ZCWPW2: variants seen among roughly 807,000 people sequenced by gnomAD.
The protein encoded by ZCWPW2 is zinc finger CW-type PWWP domain protein 2.
In ZCWPW2, 45 loss-of-function variants were observed where a neutral mutation model predicts 46.6. That is an observed-to-expected ratio of 0.96 (90% CI 0.76 to 1.24). The LOEUF (loss-of-function observed/expected upper bound fraction) is 1.24. ZCWPW2 is among the 50% of genes most tolerant of loss of function. The pLI, the probability that ZCWPW2 is intolerant of heterozygous loss-of-function variation, is 0.00. For synonymous variants in ZCWPW2, 152 were observed against 137.1 expected (o/e 1.11, Z -0.76); for missense variants, 429 against 403.9 (o/e 1.06, Z -0.53).
intron 4 of ZCWPW2, among the ~76,000 whole-genome samples, chr3:28,454,436 T>C (rs1698348712): frequency 6.6e-6 from 1 of 152,220 alleles, no homozygotes; most frequent in Admixed American, 6.5e-5. Context: ...TGTTATTCCC[T>C]TTCATGAGTA....
chr3:28,474,970 A>G (rs535452546), intron 4 of ZCWPW2, among the ~76,000 whole-genome samples: 100 of 152,122 alleles, frequency 6.6e-4, no homozygotes, highest in Admixed American at 3.4e-3. Flanking sequence ...CTGGGACTAC[A>G]GGCACATGCT....
At chr3:28,449,589 G>A (rs1267053301) in intron 4 of ZCWPW2, among the ~76,000 whole-genome samples, 2 of 152,146 alleles carry the variant, frequency 1.3e-5, no homozygotes, top group East Asian at 1.9e-4. Context: ...AACAGTTATG[G>A]AGATAGAGGG....
intron 4 of ZCWPW2, among the ~76,000 whole-genome samples, chr3:28,469,419 T>TA (rs1698952466): frequency 6.6e-6 from 1 of 151,936 alleles, no homozygotes; most frequent in African/African-American, 2.4e-5. Context: ...TCAAAAGACA[T>TA]AGAGTGGCTG....
intron 1 of ZCWPW2, among the ~76,000 whole-genome samples, chr3:28,368,087 G>A (rs1046041294): frequency 6.6e-6 from 1 of 152,090 alleles, no homozygotes; most frequent in African/African-American, 2.4e-5. Flanking sequence ...GATGGGTCTT[G>A]CGTCTTTATC....
intron 5 of ZCWPW2, among the ~76,000 whole-genome samples, chr3:28,479,384 A>C (rs889737641): frequency 1.3e-5 from 2 of 151,678 alleles, no homozygotes; most frequent in Non-Finnish European, 2.9e-5. Context: ...CTTCAACTTT[A>C]AAAAAAAACT....
In ZCWPW2 at chr3:28,362,585, G is replaced by A. The variant is rs191450082; in HGVS notation, c.-134+13382G>A. On this transcript the variant is annotated intron_variant, in intron 1 of 9. Transcript: ENST00000383768. ...AGGTAAAAAAATGACAGATGCTGGC[G>A]AGGTTGTGGAGAAAAGAGAACACTT... Among the ~76,000 whole-genome samples the A allele has an allele frequency of 2.0e-3, 297 of 152,264 alleles. 1 individual carries two copies. The highest frequency in any genetic ancestry group is 6.6e-3 in the African/African-American group (276 of 41,560).
chr3:28,393,743 T>A (rs1695585428), intron 2 of ZCWPW2, among the ~76,000 whole-genome samples: 1 of 152,144 alleles, frequency 6.6e-6, no homozygotes. Flanking sequence ...AACATCAGTT[T>A]ATGATAAAAA....
intron 4 of ZCWPW2, among the ~76,000 whole-genome samples, chr3:28,440,118 A>T (rs1312757832): frequency 1.3e-5 from 2 of 152,294 alleles, no homozygotes; most frequent in South Asian, 2.1e-4. Flanking sequence ...ACAAACTCTC[A>T]TAGATCTCCT....
chr3:28,448,892 T>C (rs1393801883), intron 4 of ZCWPW2, among the ~76,000 whole-genome samples: 1 of 146,652 alleles, frequency 6.8e-6, no homozygotes, highest in Non-Finnish European at 1.5e-5. Context: ...AAAATCCTAA[T>C]GGTATTTTTG....
At chr3:28,394,429 C>G (rs1051715953) in intron 2 of ZCWPW2, among the ~76,000 whole-genome samples, 21 of 152,048 alleles carry the variant, frequency 1.4e-4, no homozygotes, top group Non-Finnish European at 1.8e-4. Context: ...TCCTAAAACT[C>G]CTTTGGAACC....
At chr3:28,429,469 T>G (rs1205157706) in intron 3 of ZCWPW2, among the ~76,000 whole-genome samples, 1 of 152,164 alleles carries the variant, frequency 6.6e-6, no homozygotes, top group East Asian at 1.9e-4. Flanking sequence ...AATTTATGTT[T>G]AAAAGGGAAG....
chr3:28,445,145 A>G (rs1048528622), intron 4 of ZCWPW2, among the ~76,000 whole-genome samples: 1 of 151,122 alleles, frequency 6.6e-6, no homozygotes. Context: ...GATGGAACTA[A>G]TAGGATATAT....
chr3:28,407,771 C>T (rs752863543), intron 2 of ZCWPW2, among the ~76,000 whole-genome samples: 1 of 152,114 alleles, frequency 6.6e-6, no homozygotes, highest in Non-Finnish European at 1.5e-5. Flanking sequence ...AAATTAAAAA[C>T]AAAAGTTGAA....
intron 4 of ZCWPW2, among the ~76,000 whole-genome samples, chr3:28,449,673 G>T (rs1698147521): frequency 6.6e-6 from 1 of 152,126 alleles, no homozygotes; most frequent in African/African-American, 2.4e-5. Flanking sequence ...TAAGATGGTA[G>T]ATTTTATGTG....
chr3:28,352,551 T>C (rs563928711), intron 1 of ZCWPW2, among the ~76,000 whole-genome samples: 18 of 152,180 alleles, frequency 1.2e-4, no homozygotes, highest in Non-Finnish European at 2.4e-4. Context: ...GTTAACTCTT[T>C]GGCAAAATTG....
chr3:28,420,771 C>T (rs939525553), intron 3 of ZCWPW2, among the ~76,000 whole-genome samples: 1 of 151,880 alleles, frequency 6.6e-6, no homozygotes. Flanking sequence ...TTCTTGAGTA[C>T]TTTTATATGA....
intron 4 of ZCWPW2, among the ~76,000 whole-genome samples, chr3:28,468,847 T>C (rs1575170590): frequency 6.6e-6 from 1 of 152,052 alleles, no homozygotes; most frequent in Admixed American, 6.6e-5. Flanking sequence ...AAGAAAAGGA[T>C]CTTCCTGAGC....
intron 1 of ZCWPW2, among the ~76,000 whole-genome samples, chr3:28,378,631 G>A (rs1705576520): frequency 6.6e-6 from 1 of 152,092 alleles, no homozygotes; most frequent in Non-Finnish European, 1.5e-5. Flanking sequence ...TTTAAGCCCA[G>A]ACCTAGGGAT....
At chr3:28,419,930 G>T (rs1243127235) in intron 3 of ZCWPW2, among the ~76,000 whole-genome samples, 2 of 111,800 alleles carry the variant, frequency 1.8e-5, no homozygotes, top group Non-Finnish European at 3.6e-5. Context: ...GTTGTGGGGT[G>T]GGGGGAGGGG....
Sources: gnomAD v4.1 joint callset for allele counts (sites outside exome capture counted in the v4.1 genomes callset) on GRCh38, gnomAD v4.1.1 for gene constraint, MANE v1.5 for transcripts, NCBI Gene and HGNC (gene_info 2026-07-23, HGNC 2026-07-21) for gene names.